The following ATP8A2 variants were observed in gnomAD, a reference collection of about 807,000 sequenced individuals.
ATP8A2 encodes the protein ATPase phospholipid transporting 8A2, also known as phospholipid-transporting ATPase IB.
A neutral mutation model predicts 165.6 loss-of-function variants in ATP8A2; 100 were observed. The observed-to-expected ratio is 0.60, with a 90% CI of 0.51 to 0.71. The LOEUF is 0.71. Among genes scored for constraint, ATP8A2 ranks in the 30% least tolerant of loss-of-function variants. ATP8A2 has a pLI of 0.00. For missense variants in ATP8A2, 1,227 were observed against 1,479.5 expected (o/e 0.83, Z 2.80); for synonymous variants, 543 against 548.8 (o/e 0.99, Z 0.15).
chr13:25,836,404 G>C (rs1951608546), intron 28 of ATP8A2, among the ~76,000 whole-genome samples: 1 of 152,114 alleles, frequency 6.6e-6, no homozygotes. Context: ...TCTCTCATGG[G>C]ACTCCTTCCT....
At chr13:25,448,746 T>A (rs550076229) in intron 1 of ATP8A2, among the ~76,000 whole-genome samples, 3 of 152,308 alleles carry the variant, frequency 2.0e-5, no homozygotes, top group African/African-American at 7.2e-5. Flanking sequence ...GCCTCCCAGG[T>A]TCAAGTGATT....
chr13:25,854,873 A>T (rs1232619392), intron 30 of ATP8A2, among the ~76,000 whole-genome samples: 1 of 152,180 alleles, frequency 6.6e-6, no homozygotes, highest in Non-Finnish European at 1.5e-5. Flanking sequence ...ATGGTTTTTA[A>T]TATATTCACA....
chr13:25,411,273 C>G (rs565265486), intron 1 of ATP8A2, among the ~76,000 whole-genome samples: 113 of 152,328 alleles, frequency 7.4e-4, no homozygotes, highest in Non-Finnish European at 1.4e-3. Flanking sequence ...TTGTCCTACT[C>G]AGCCAGAAGG....
At chr13:25,817,205 G>A (rs886188470) in intron 27 of ATP8A2, among the ~76,000 whole-genome samples, 14 of 152,262 alleles carry the variant, frequency 9.2e-5, no homozygotes, top group Admixed American at 2.6e-4. Flanking sequence ...AATTTGGACT[G>A]AAGAGTCTAA....
chr13:25,730,514 C>G lies in ATP8A2; in HGVS notation c.2384+31169C>G, dbSNP rs150399915. Among the ~76,000 whole-genome samples the G allele has an allele frequency of 2.8e-4, 42 of 152,298 alleles. 1 individual carries two copies. Among genetic ancestry groups the G allele is most frequent in the African/African-American group, 9.9e-4 (41 of 41,570 alleles). ...ACTAGAGCTCATAGGGTAGCTTCAA[C>G]TCTGCTTAGAGTTTATAGCTTCAAG... On this transcript the variant is annotated intron_variant, in intron 25 of 36. Transcript: ENST00000381655.
At position 25,954,077 on chromosome 13, in the gene ATP8A2, G is replaced by A. The variant is rs184618428; in HGVS notation, c.3184-7498G>A. On this transcript the variant is annotated intron_variant, in intron 33 of 36. Coordinates refer to ENST00000381655, the MANE Select transcript of ATP8A2 (RefSeq NM_016529.6). ...AGTCTAGCTCAGTGGATCCCACCCC[G>A]ACGGAGCCCAACAAGCTAAGATCCA... Among the ~76,000 whole-genome samples, 871 of 152,232 alleles carry A rather than the reference G, an allele frequency of 5.7e-3. 1 individual carries two copies. Among genetic ancestry groups the A allele is most frequent in the East Asian group, 9.7e-3 (50 of 5,168 alleles).
intron 24 of ATP8A2, among the ~76,000 whole-genome samples, chr13:25,680,900 T>A (rs1431909423): frequency 6.6e-6 from 1 of 152,214 alleles, no homozygotes; most frequent in Non-Finnish European, 1.5e-5. Context: ...GGACACTGTA[T>A]ATTTAAATAG....
Position 26,023,490 on chromosome 13 carries a change from G to C in ATP8A2, c.*3505G>C, listed in dbSNP as rs893132558. The C allele has an allele frequency of 3.3e-5, 5 of 152,068 alleles. No individual in the cohort carries two copies. The highest frequency in any genetic ancestry group is 9.7e-5 in the African/African-American group (4 of 41,372). 9.4% of individuals were successfully genotyped at this position (152,068 alleles called of 1,614,324 possible). On this transcript the variant is annotated 3_prime_UTR_variant, in exon 37 of 37. Transcript: ENST00000381655. ...CAAGAAGCAGTGAAAAATGCGGGGG[G>C]GTGGAAAGAGCCTAGGTAACTAATG...
intron 33 of ATP8A2, among the ~76,000 whole-genome samples, chr13:25,947,394 C>G (rs1304398362): frequency 6.6e-6 from 1 of 152,166 alleles, no homozygotes; most frequent in Non-Finnish European, 1.5e-5. Context: ...TCACTCTTGT[C>G]AGGCCCTGTG....
chr13:25,764,016 A>T (rs2044439633), intron 25 of ATP8A2, among the ~76,000 whole-genome samples: 1 of 152,208 alleles, frequency 6.6e-6, no homozygotes, highest in East Asian at 1.9e-4. Context: ...AGAAGATGTT[A>T]TATTTTATTT....
chr13:25,533,359 C>T lies in ATP8A2; in HGVS notation c.507+46C>T, dbSNP rs199990345. 231 of 1,084,844 alleles carry T rather than the reference C, an allele frequency of 2.1e-4. 3 individuals carry two copies. Among genetic ancestry groups the T allele is most frequent in the Middle Eastern group, 6.0e-4 (3 of 5,016 alleles). 67.2% of individuals were successfully genotyped at this position (1,084,844 alleles called of 1,614,324 possible). On this transcript the variant is annotated intron_variant, in intron 6 of 36. Coordinates refer to ENST00000381655, the MANE Select transcript of ATP8A2 (RefSeq NM_016529.6). ...TGTACCAGTACTATTGGTTTGAAGA[C>T]GCGTAATGAATTGCTGGTCTTGATT...
At chr13:25,683,774 G>T (rs1250150375) in intron 24 of ATP8A2, among the ~76,000 whole-genome samples, 1 of 151,750 alleles carries the variant, frequency 6.6e-6, no homozygotes, top group Non-Finnish European at 1.5e-5. Context: ...TTAGCCTACA[G>T]TGGTGTCTTG....
intron 2 of ATP8A2, among the ~76,000 whole-genome samples, chr13:25,497,984 A>AATG (rs1375731467): frequency 6.6e-6 from 1 of 152,030 alleles, no homozygotes; most frequent in African/African-American, 2.4e-5. Flanking sequence ...TAATAATAAT[A>AATG]AAAGCAAGAT....
Position 25,709,123 on chromosome 13 carries a change from G to C in ATP8A2, c.2384+9778G>C, listed in dbSNP as rs558709743. Among the ~76,000 whole-genome samples, 20 of 141,076 alleles carry C rather than the reference G, an allele frequency of 1.4e-4. No individual in the cohort carries two copies. In the South Asian group the frequency reaches 2.2e-3, roughly 15 times the overall value. The allele number at this position is 141,076 out of a possible 152,430, so 92.6% of individuals were successfully genotyped here. Reference sequence around the variant, plus strand: ...TAAGTGAGAGAGGCAGACAGACAGAGAGACAGACAGACACCCCCTCCCCAA... The same window carrying C: ...TAAGTGAGAGAGGCAGACAGACAGACAGACAGACAGACACCCCCTCCCCAA... On this transcript the variant is annotated intron_variant, in intron 25 of 36. Transcript: ENST00000381655.
Position 25,510,061 on chromosome 13 carries a change from C to T in ATP8A2, c.222-19938C>T, listed in dbSNP as rs1472835350. Among the ~76,000 whole-genome samples, 4 of 152,108 alleles carry T rather than the reference C, an allele frequency of 2.6e-5. No homozygotes were observed. The East Asian group carries it at 7.7e-4, about 29-fold the overall frequency. On this transcript the variant is annotated intron_variant, in intron 2 of 36. Coordinates refer to ENST00000381655, the MANE Select transcript of ATP8A2 (RefSeq NM_016529.6). Reference sequence around the variant, plus strand: ...GAGCGTTCAACCTGCAAGGCGTGGACAGGTGGTTAAGATAATAAATATTTT... The same window carrying T: ...GAGCGTTCAACCTGCAAGGCGTGGATAGGTGGTTAAGATAATAAATATTTT...
chr13:25,727,103 G>A (rs776086177), intron 25 of ATP8A2, among the ~76,000 whole-genome samples: 25 of 152,128 alleles, frequency 1.6e-4, no homozygotes, highest in Admixed American at 3.3e-4. Flanking sequence ...TAAGCAAGCC[G>A]CAGAGCAAAC....
intron 2 of ATP8A2, among the ~76,000 whole-genome samples, chr13:25,492,213 T>C (rs933320486): frequency 1.3e-5 from 2 of 152,108 alleles, no homozygotes; most frequent in African/African-American, 2.4e-5. Flanking sequence ...CCTGCCACCA[T>C]GCCCAGCTAA....
intron 35 of ATP8A2, among the ~76,000 whole-genome samples, chr13:25,973,602 A>G (rs1054570729): frequency 8.5e-5 from 13 of 152,218 alleles, no homozygotes; most frequent in African/African-American, 3.1e-4. Flanking sequence ...CAAACTCCCG[A>G]ATGCATTCTG....
chr13:26,012,496 G>T (rs374898084), intron 35 of ATP8A2, 35 bp from the exon 36 acceptor site: 43 of 1,517,772 alleles, frequency 2.8e-5, no homozygotes, highest in Non-Finnish European at 2.7e-6. Flanking sequence ...GAGTGTTCAG[G>T]TGACAAGAGA....
Sources: allele counts gnomAD v4.1 joint callset (sites outside exome capture counted in the v4.1 genomes callset), GRCh38; gene constraint gnomAD v4.1.1; transcripts MANE v1.5; gene names NCBI Gene and HGNC (gene_info 2026-07-23, HGNC 2026-07-21).